CFAP77: variants seen among roughly 807,000 people sequenced by gnomAD.
CFAP77 encodes cilia- and flagella-associated protein 77.
In CFAP77, 25 loss-of-function variants were observed where a neutral mutation model predicts 31.1. The ratio of observed to expected loss-of-function variants is 0.80; its 90% CI spans 0.59 to 1.12. CFAP77 has a LOEUF of 1.12. CFAP77 is among the 50% of genes most tolerant of loss of function. The pLI is 0.00. For synonymous variants in CFAP77, 151 were observed against 159.9 expected (o/e 0.94, Z 0.42); for missense variants, 377 against 397.3 (o/e 0.95, Z 0.44).
At chr9:132,547,659 G>A (rs920985517) in intron 5 of CFAP77, among the ~76,000 whole-genome samples, 7 of 152,290 alleles carry the variant, frequency 4.6e-5, no homozygotes, top group South Asian at 2.1e-4. Flanking sequence ...CTCCTGGGCC[G>A]GGAAGTCTGG....
At chr9:132,572,356 C>G (rs771977607) in intron 5 of CFAP77, 32 bp from the exon 6 acceptor site, 2 of 1,606,458 alleles carry the variant, frequency 1.2e-6, no homozygotes, top group Non-Finnish European at 1.7e-6. Flanking sequence ...GAAGTCTCCC[C>G]TCACCCACCC....
Position 132,554,213 on chromosome 9 carries a change from C to T in CFAP77, c.732+11166C>T, listed in dbSNP as rs752014506. 6.6e-5 allele frequency among the ~76,000 whole-genome samples: 10 copies of T among 152,134 alleles called. No homozygotes were observed. Among genetic ancestry groups the T allele is most frequent in the African/African-American group, 2.2e-4 (9 of 41,414 alleles). ...CCTTCTGTTGTGGAAAAAACATGCT[C>T]GACGTGATGGAATGTGCTCCGTTTG... On this transcript the variant is annotated intron_variant, in intron 5 of 5. Transcript: ENST00000393216. This position sits in a 1 kb window ranked among gnomAD's most constrained non-coding sequence, Gnocchi z 4.1.
In CFAP77 at chr9:132,490,209, A is replaced by G. The variant is rs1394027858; in HGVS notation, c.196-8486A>G. The stretch of plus-strand genomic sequence containing the variant: ...ATTCCCCCATGAGTGCAGAGCCCTC[A>G]TGACTCAACCACCCCCTAAAGGCCA... On this transcript the variant is annotated intron_variant, in intron 1 of 5. Transcript: ENST00000393216. This position sits in a 1 kb window ranked among gnomAD's most constrained non-coding sequence, Gnocchi z 4.6. 6.6e-6 allele frequency among the ~76,000 whole-genome samples: 1 copy of G among 152,168 alleles called. No individual in the cohort carries two copies. The highest frequency in any genetic ancestry group is 1.9e-4 in the East Asian group (1 of 5,182).
rs1279338380 is a variant in CFAP77, at chr9:132,497,596, C to T, written c.196-1099C>T. Among the ~76,000 whole-genome samples, 1 of 152,180 alleles carries T rather than the reference C, an allele frequency of 6.6e-6. No homozygotes were observed. The highest frequency in any genetic ancestry group is 1.9e-4 in the East Asian group (1 of 5,182). ...TTTGGCTTGTGGATCTGAGCATGAG[C>T]TGGGGGCAGCCAGCCTGGGTTCCAG... On this transcript the variant is annotated intron_variant, in intron 1 of 5. Transcript: ENST00000393216. The surrounding 1 kb of genome is among the most constrained non-coding windows in gnomAD (Gnocchi z 4.9).
At chr9:132,520,022 G>T (rs149590838) in intron 3 of CFAP77, among the ~76,000 whole-genome samples, 20 of 152,010 alleles carry the variant, frequency 1.3e-4, no homozygotes, top group Admixed American at 1.2e-3. Flanking sequence ...CTGCCCTTCT[G>T]CTGTCCCCTT....
Position 132,446,743 on chromosome 9 carries a change from CAA to C in CFAP77, c.195+36299_195+36300del, listed in dbSNP as rs1184310514. 1.8e-3 allele frequency among the ~76,000 whole-genome samples: 122 copies of C among 66,056 alleles called. 1 individual carries two copies. In the South Asian group the frequency reaches 0.039, roughly 21 times the overall value. 43.3% of individuals were successfully genotyped at this position (66,056 alleles called of 152,430 possible). On this transcript the variant is annotated intron_variant, in intron 1 of 5. Coordinates refer to ENST00000393216, the MANE Select transcript of CFAP77 (RefSeq NM_001282957.2). ...GCGACAGAGCAAAACTCCTCCGTCTCAAAAAAAAAAAAAAAAAAAAAAAGATA... is the reference window on the plus strand; with the variant it reads ...GCGACAGAGCAAAACTCCTCCGTCTCAAAAAAAAAAAAAAAAAAAAAGATA...
intron 1 of CFAP77, among the ~76,000 whole-genome samples, chr9:132,439,791 G>A (rs947702260): frequency 6.7e-6 from 1 of 149,756 alleles, no homozygotes; most frequent in African/African-American, 2.5e-5. Flanking sequence ...GGAGCTTGTA[G>A]TGAGCCGAGA....
At chr9:132,547,133 C>T (rs1852745735) in intron 5 of CFAP77, among the ~76,000 whole-genome samples, 2 of 152,186 alleles carry the variant, frequency 1.3e-5, no homozygotes, top group African/African-American at 2.4e-5. Flanking sequence ...GATAGAGACG[C>T]TCCCCTGCCC....
At chr9:132,549,809 A>G (rs889343384) in intron 5 of CFAP77, among the ~76,000 whole-genome samples, 2 of 151,332 alleles carry the variant, frequency 1.3e-5, no homozygotes, top group African/African-American at 4.9e-5. Context: ...ACTACACTCC[A>G]GCCTGGGTGA....
At chr9:132,551,440 C>T (rs1462371225) in intron 5 of CFAP77, among the ~76,000 whole-genome samples, 1 of 152,172 alleles carries the variant, frequency 6.6e-6, no homozygotes, top group East Asian at 1.9e-4. Context: ...GGATTACAGA[C>T]ATCCGCCACC....
At chr9:132,463,868 G>T (rs993853230) in intron 1 of CFAP77, among the ~76,000 whole-genome samples, 2 of 152,200 alleles carry the variant, frequency 1.3e-5, no homozygotes, top group African/African-American at 4.8e-5. Context: ...ACACTCACCT[G>T]GCTTGGCCTG....
chr9:132,465,112 A>G, intron 1 of CFAP77, among the ~76,000 whole-genome samples: 1 of 151,828 alleles, frequency 6.6e-6, no homozygotes, highest in East Asian at 1.9e-4. Context: ...GAAAGAAAGA[A>G]AAAGAAAAGA....
intron 3 of CFAP77, among the ~76,000 whole-genome samples, chr9:132,526,451 CTCGATCTCCTGACT>C (rs1292918417): frequency 1.3e-5 from 2 of 151,896 alleles, no homozygotes; most frequent in Non-Finnish European, 2.9e-5. Flanking sequence ...CCAGGATGGT[CTCGATCTCCTGACT>C]TCGTGATCCG....
At chr9:132,443,575 T>C (rs907685900) in intron 1 of CFAP77, among the ~76,000 whole-genome samples, 4 of 152,334 alleles carry the variant, frequency 2.6e-5, no homozygotes, top group Non-Finnish European at 5.9e-5. Context: ...TAATTTAAAA[T>C]AGGCCGGTGT....
At chr9:132,531,864 C>T (rs766836992) in intron 3 of CFAP77, among the ~76,000 whole-genome samples, 22 of 152,212 alleles carry the variant, frequency 1.4e-4, no homozygotes, top group Middle Eastern at 6.8e-3. Context: ...GAGCTGCTGG[C>T]CGGAGCTAGA....
At chr9:132,435,409 G>A (rs1368383683) in intron 1 of CFAP77, among the ~76,000 whole-genome samples, 2 of 152,196 alleles carry the variant, frequency 1.3e-5, no homozygotes, top group Non-Finnish European at 2.9e-5. Context: ...CCCAGGATGA[G>A]CTATCACCAT....
In CFAP77 at chr9:132,499,280, G is replaced by A; in HGVS notation, c.296-92G>A. 8.8e-7 allele frequency: 1 copy of A among 1,136,142 alleles called. No individual in the cohort carries two copies. Among genetic ancestry groups the A allele is most frequent in the Non-Finnish European group, 1.3e-6 (1 of 781,834 alleles). 70.4% of individuals were successfully genotyped at this position (1,136,142 alleles called of 1,614,324 possible). On this transcript the variant is annotated intron_variant, in intron 2 of 5. Coordinates refer to ENST00000393216, the MANE Select transcript of CFAP77 (RefSeq NM_001282957.2). This position sits in a 1 kb window ranked among gnomAD's most constrained non-coding sequence, Gnocchi z 5.4. ...GGCTCAGGTAAATGGGAAGGCCGAG[G>A]ACCCGCGTGCCCCCATTTCTTCTCG...
intron 1 of CFAP77, among the ~76,000 whole-genome samples, chr9:132,457,214 G>C (rs2131720590): frequency 6.8e-6 from 1 of 146,428 alleles, no homozygotes; most frequent in East Asian, 2.1e-4. Flanking sequence ...CCTGGGTCCA[G>C]TTGTGTGATC....
chr9:132,541,900 G>A (rs193060371), intron 4 of CFAP77, among the ~76,000 whole-genome samples: 74 of 152,080 alleles, frequency 4.9e-4, no homozygotes, highest in Admixed American at 4.5e-3. Context: ...GAGGTGACGC[G>A]GAAGGTTTAC....
Sources: gnomAD v4.1 joint callset for allele counts (sites outside exome capture counted in the v4.1 genomes callset) on GRCh38, gnomAD v4.1.1 for gene constraint, Gnocchi (gnomAD v3.1) non-coding constraint, MANE v1.5 for transcripts, NCBI Gene and HGNC (gene_info 2026-07-23, HGNC 2026-07-21) for gene names.